Variants in RNF144B observed in about 807,000 individuals in gnomAD.
The protein encoded by RNF144B is E3 ubiquitin-protein ligase RNF144B.
Under a neutral mutation model 40.2 loss-of-function variants are expected in RNF144B, and 25 were observed. The ratio of observed to expected loss-of-function variants is 0.62; its 90% CI spans 0.45 to 0.87. The LOEUF is 0.87. RNF144B is among the 40% of genes least tolerant of loss of function. RNF144B has a pLI of 0.00. For missense variants in RNF144B, 365 were observed against 373.7 expected (o/e 0.98, Z 0.19); for synonymous variants, 145 against 136.3 (o/e 1.06, Z -0.44).
intron 2 of RNF144B, among the ~76,000 whole-genome samples, chr6:18,415,983 G>A (rs900832148): frequency 2.6e-5 from 4 of 152,072 alleles, no homozygotes; most frequent in East Asian, 1.9e-4. Flanking sequence ...TGCTGAATCC[G>A]TGGTATGCTT....
Position 18,467,867 on chromosome 6 carries a change from C to T in RNF144B, c.*2800C>T, listed in dbSNP as rs895881542. 3 of 152,296 alleles carry T rather than the reference C, an allele frequency of 2.0e-5. No individual in the cohort carries two copies. The highest frequency in any genetic ancestry group is 7.2e-5 in the African/African-American group (3 of 41,416). The allele number at this position is 152,296 out of a possible 1,614,324, so 9.4% of individuals were successfully genotyped here. On this transcript the variant is annotated 3_prime_UTR_variant, in exon 8 of 8. Coordinates refer to ENST00000259939, the MANE Select transcript of RNF144B (RefSeq NM_182757.4). ...TGTTGCCCAGTCTTGTCTCAAACTC[C>T]TGGGCTCAAGCGATCCACCCACCTT...
In RNF144B at chr6:18,467,328, T is replaced by C. The variant is rs1759590811; in HGVS notation, c.*2261T>C. ...GAGTAAAGATGGGAGAAAATAAATA[T>C]GTGCTATTTCCTTGGCGAGTTGAGG... On this transcript the variant is annotated 3_prime_UTR_variant, in exon 8 of 8. Transcript: ENST00000259939. 1.3e-5 allele frequency: 2 copies of C among 151,728 alleles called. No homozygotes were observed. Among genetic ancestry groups the C allele is most frequent in the South Asian group, 2.1e-4 (1 of 4,804 alleles). The allele number at this position is 151,728 out of a possible 1,614,324, so 9.4% of individuals were successfully genotyped here.
chr6:18,395,735 G>A lies in RNF144B; in HGVS notation c.-36-3764G>A, dbSNP rs1018172110. On this transcript the variant is annotated intron_variant, in intron 1 of 7. Coordinates refer to ENST00000259939, the MANE Select transcript of RNF144B (RefSeq NM_182757.4). This position sits in a 1 kb window ranked among gnomAD's most constrained non-coding sequence, Gnocchi z 4.5. ...AATGGTGCCTGGGGGGCTGCTGAGT[G>A]GGGAAGGTCAAGGGGACTGGCTCTG... Among the ~76,000 whole-genome samples, 3 of 152,184 alleles carry A rather than the reference G, an allele frequency of 2.0e-5. No individual in the cohort carries two copies. The highest frequency in any genetic ancestry group is 6.5e-5 in the Admixed American group (1 of 15,282).
chr6:18,421,817 A>G (rs1758435714), intron 2 of RNF144B, among the ~76,000 whole-genome samples: 1 of 152,160 alleles, frequency 6.6e-6, no homozygotes, highest in African/African-American at 2.4e-5. Flanking sequence ...GTGCTGCCAC[A>G]CTAGGGGATG....
In RNF144B at chr6:18,409,789, C is replaced by T. The variant is rs568750010; in HGVS notation, c.165+10090C>T. 4.7e-3 allele frequency among the ~76,000 whole-genome samples: 712 copies of T among 152,018 alleles called. 3 individuals are homozygous for T. Among genetic ancestry groups the T allele is most frequent in the Middle Eastern group, 6.8e-3 (2 of 294 alleles). On this transcript the variant is annotated intron_variant, in intron 2 of 7. Coordinates refer to ENST00000259939, the MANE Select transcript of RNF144B (RefSeq NM_182757.4). The stretch of plus-strand genomic sequence containing the variant: ...TTCACCTTGTTGGCCAAGCTGGTCT[C>T]GATGTCCTGACCTCAAGTGACCTGC...
At chr6:18,413,830 C>A (rs970594907) in intron 2 of RNF144B, among the ~76,000 whole-genome samples, 1 of 152,220 alleles carries the variant, frequency 6.6e-6, no homozygotes, top group African/African-American at 2.4e-5. Flanking sequence ...TTAACATCTG[C>A]TTTCCCTAGG....
At position 18,465,977 on chromosome 6, in the gene RNF144B, G is replaced by A. The variant is rs1484794414; in HGVS notation, c.*910G>A. On this transcript the variant is annotated 3_prime_UTR_variant, in exon 8 of 8. Coordinates refer to ENST00000259939, the MANE Select transcript of RNF144B (RefSeq NM_182757.4). ...TCAGGCCTAAGAGTACACATGGAGG[G>A]TAAATATTAAAGTGCGTATTATGTA... is the stretch of plus-strand genomic sequence containing the variant. 1.3e-5 allele frequency: 2 copies of A among 152,174 alleles called. No homozygotes were observed. The highest frequency in any genetic ancestry group is 2.9e-5 in the Non-Finnish European group (2 of 68,030). The allele number at this position is 152,174 out of a possible 1,614,324, so 9.4% of individuals were successfully genotyped here.
intron 2 of RNF144B, among the ~76,000 whole-genome samples, chr6:18,423,766 C>CT (rs56964654): frequency 0.25 from 37,321 of 151,848 alleles, 4,727 homozygotes; most frequent in African/African-American, 0.32. Flanking sequence ...GACGAACAAT[C>CT]CTTATTATTT....
chr6:18,440,710 T>C (rs12665721), intron 4 of RNF144B, among the ~76,000 whole-genome samples: 44,689 of 99,802 alleles, frequency 0.45, 7,699 homozygotes, highest in East Asian at 0.62. Context: ...GGAATGCTTG[T>C]TGGGGATACA....
Position 18,459,713 on chromosome 6 carries a change from A to G in RNF144B, c.643A>G (p.Lys215Glu), listed in dbSNP as rs201744698. Reference sequence around the variant, plus strand: ...CGCTCAGATGATGTGCAAAAACTGCAAGCATACATTTTGCTGGTACTGCCT... The same window carrying G: ...CGCTCAGATGATGTGCAAAAACTGCGAGCATACATTTTGCTGGTACTGCCT... ...GCAQMMCKNC[K>E]HTFCWYCLQN... Residue 215 changes from lysine (K) to glutamate (E), a missense_variant, in exon 6 of 8, where the codon AAG (lysine) becomes GAG (glutamate). By Grantham distance (56) the Lys-to-Glu change is moderately conservative (BLOSUM62 1). Coordinates refer to ENST00000259939, the MANE Select transcript of RNF144B (RefSeq NM_182757.4). This position sits in a 1 kb window ranked among gnomAD's most constrained non-coding sequence, Gnocchi z 4.2. 3.7e-5 allele frequency: 60 copies of G among 1,614,152 alleles called. 1 individual carries two copies. The South Asian group carries it at 6.1e-4, about 17-fold the overall frequency.
rs1289630270 is a variant in RNF144B, at chr6:18,395,825, T to C, written c.-36-3674T>C. On this transcript the variant is annotated intron_variant, in intron 1 of 7. Transcript: ENST00000259939. The surrounding 1 kb of genome is among the most constrained non-coding windows in gnomAD (Gnocchi z 4.5). ...CTCTTTTATACAGTGGTGGTTTGACTAAGATTTTTGTTTTTGAAAGCTCAT... is the reference window on the plus strand; with the variant it reads ...CTCTTTTATACAGTGGTGGTTTGACCAAGATTTTTGTTTTTGAAAGCTCAT... Among the ~76,000 whole-genome samples the C allele has an allele frequency of 1.3e-5, 2 of 152,202 alleles. No individual in the cohort carries two copies. The highest frequency in any genetic ancestry group is 2.4e-5 in the African/African-American group (1 of 41,458).
Position 18,459,523 on chromosome 6 carries a change from G to A in RNF144B, c.537-84G>A, listed in dbSNP as rs1759405895. On this transcript the variant is annotated intron_variant, in intron 5 of 7. Coordinates refer to ENST00000259939, the MANE Select transcript of RNF144B (RefSeq NM_182757.4). The surrounding 1 kb of genome is among the most constrained non-coding windows in gnomAD (Gnocchi z 4.2). ...GTGAATTAAGCATGGATAACTGTGA[G>A]TTCATTATCTAACCATCAGGAGCCC... 5.0e-6 allele frequency: 7 copies of A among 1,403,006 alleles called. No individual in the cohort carries two copies. Among genetic ancestry groups the A allele is most frequent in the Non-Finnish European group, 5.9e-6 (6 of 1,009,410 alleles). The allele number at this position is 1,403,006 out of a possible 1,614,324, so 86.9% of individuals were successfully genotyped here.
rs1759601779 is a variant in RNF144B at position 18,467,651 on chromosome 6, T to TA, written c.*2584_*2585insA. ...GAGAGCTGGCGACTTATTTTTATTTTTATTTTTTGGACAGAGTCTCCCTTT... is the reference window on the plus strand; with the variant it reads ...GAGAGCTGGCGACTTATTTTTATTTTATATTTTTTGGACAGAGTCTCCCTTT... On this transcript the variant is annotated 3_prime_UTR_variant, in exon 8 of 8. Coordinates refer to ENST00000259939, the MANE Select transcript of RNF144B (RefSeq NM_182757.4). 2 of 151,492 alleles carry TA rather than the reference T, an allele frequency of 1.3e-5. No homozygotes were observed. The highest frequency in any genetic ancestry group is 1.3e-4 in the Admixed American group (2 of 15,214). The allele number at this position is 151,492 out of a possible 1,614,324, so 9.4% of individuals were successfully genotyped here.
At chr6:18,437,630 T>C (rs969887741) in intron 3 of RNF144B, among the ~76,000 whole-genome samples, 6 of 152,168 alleles carry the variant, frequency 3.9e-5, no homozygotes, top group African/African-American at 1.4e-4. Context: ...ATACAAACCT[T>C]TGACTTAAAT....
Position 18,418,871 on chromosome 6 carries a change from A to C in RNF144B, c.166-8710A>C, listed in dbSNP as rs1158393735. Among the ~76,000 whole-genome samples the C allele has an allele frequency of 6.6e-6, 1 of 152,056 alleles. No homozygotes were observed. Among genetic ancestry groups the C allele is most frequent in the African/African-American group, 2.4e-5 (1 of 41,412 alleles). Reference sequence around the variant, plus strand: ...CTGGATCCTTCTCTTAGAGAGTCTGAATTAATTGGTCTGTGGTATGGCCTG... The same window carrying C: ...CTGGATCCTTCTCTTAGAGAGTCTGCATTAATTGGTCTGTGGTATGGCCTG... On this transcript the variant is annotated intron_variant, in intron 2 of 7. Transcript: ENST00000259939. The surrounding 1 kb of genome is among the most constrained non-coding windows in gnomAD (Gnocchi z 5.2).
chr6:18,413,127 T>C (rs1795079733), intron 2 of RNF144B, among the ~76,000 whole-genome samples: 1 of 152,230 alleles, frequency 6.6e-6, no homozygotes, highest in African/African-American at 2.4e-5. Flanking sequence ...CCCTACATCA[T>C]AGTGTCGTTT....
In RNF144B at chr6:18,405,369, G is replaced by T. The variant is rs1168247297; in HGVS notation, c.165+5670G>T. 6.6e-6 allele frequency among the ~76,000 whole-genome samples: 1 copy of T among 151,810 alleles called. No homozygotes were observed. Among genetic ancestry groups the T allele is most frequent in the Non-Finnish European group, 1.5e-5 (1 of 67,972 alleles). On this transcript the variant is annotated intron_variant, in intron 2 of 7. Transcript: ENST00000259939. This position sits in a 1 kb window ranked among gnomAD's most constrained non-coding sequence, Gnocchi z 4.5. The stretch of plus-strand genomic sequence containing the variant: ...TTTTTGTATTTTTAGTTGAGTTGGG[G>T]TTTCACTATGTAGGTCAGGCTGGTC...
rs1172462486 is a variant in RNF144B, at chr6:18,412,169, C to T, written c.165+12470C>T. Among the ~76,000 whole-genome samples the T allele has an allele frequency of 1.3e-5, 2 of 152,136 alleles. No individual in the cohort carries two copies. Among genetic ancestry groups the T allele is most frequent in the Non-Finnish European group, 2.9e-5 (2 of 68,032 alleles). On this transcript the variant is annotated intron_variant, in intron 2 of 7. Transcript: ENST00000259939. This position sits in a 1 kb window ranked among gnomAD's most constrained non-coding sequence, Gnocchi z 4.2. ...GTACATTTTAAATCAGTATGTGTTA[C>T]CAAATTACTGTTCCAAACTGTTGCA...
chr6:18,432,860 T>C (rs1758723335), intron 3 of RNF144B, among the ~76,000 whole-genome samples: 1 of 152,226 alleles, frequency 6.6e-6, no homozygotes, highest in African/African-American at 2.4e-5. Flanking sequence ...TGCCTTTTAC[T>C]GCTAGTGCCG....
Sources: allele counts gnomAD v4.1 joint callset (sites outside exome capture counted in the v4.1 genomes callset), GRCh38; gene constraint gnomAD v4.1.1; non-coding constraint Gnocchi (gnomAD v3.1); transcripts MANE v1.5; gene names NCBI Gene and HGNC (gene_info 2026-07-23, HGNC 2026-07-21).